The following PCDH15 variants were observed in gnomAD, a reference collection of about 807,000 sequenced individuals.
The protein encoded by PCDH15 is protocadherin related 15.
PCDH15 carries 129 observed loss-of-function variants against 178.5 expected under a neutral mutation model. The ratio of observed to expected loss-of-function variants is 0.72; its 90% CI spans 0.63 to 0.84. PCDH15 has a LOEUF of 0.84. PCDH15 is among the 40% of genes least tolerant of loss of function. PCDH15 has a pLI of 0.00. For synonymous variants in PCDH15, 800 were observed against 732.0 expected (o/e 1.09, Z -1.50); for missense variants, 2,230 against 2,099.9 (o/e 1.06, Z -1.21).
intron 5 of PCDH15, among the ~76,000 whole-genome samples, chr10:54,350,556 C>T (rs535665302): frequency 2.6e-5 from 4 of 151,762 alleles, no homozygotes; most frequent in East Asian, 1.9e-4. Context: ...GAGAAATAGC[C>T]GAGAAAAAAG....
chr10:55,542,239 G>A (rs1045717063), intron 2 of PCDH15, among the ~76,000 whole-genome samples: 2 of 151,044 alleles, frequency 1.3e-5, no homozygotes, highest in Non-Finnish European at 3.0e-5. Context: ...TACAGTATAT[G>A]CCTGTATGTG....
intron 2 of PCDH15, among the ~76,000 whole-genome samples, chr10:55,478,006 T>C (rs924027084): frequency 2.0e-5 from 3 of 151,358 alleles, no homozygotes; most frequent in African/African-American, 7.3e-5. Flanking sequence ...TCCATACAAA[T>C]GGAAACCAAA....
chr10:55,334,264 G>T (rs1712985660), intron 2 of PCDH15, among the ~76,000 whole-genome samples: 1 of 125,656 alleles, frequency 8.0e-6, no homozygotes, highest in Admixed American at 7.7e-5. Flanking sequence ...GTGTGTGTGT[G>T]TGTGTGTGTG....
At chr10:55,262,117 A>T (rs1359771455) in intron 1 of PCDH15, among the ~76,000 whole-genome samples, 1 of 147,248 alleles carries the variant, frequency 6.8e-6, no homozygotes, top group African/African-American at 2.5e-5. Flanking sequence ...GAGAAATAAA[A>T]AAGAAAAGAA....
chr10:54,585,029 A>G (rs113522871), intron 2 of PCDH15, among the ~76,000 whole-genome samples: 2,662 of 152,256 alleles, frequency 0.017, 77 homozygotes, highest in African/African-American at 0.06. Context: ...ACCAAATTGT[A>G]CATATAAAGT....
chr10:54,202,446 C>A (rs2050328828), intron 10 of PCDH15, among the ~76,000 whole-genome samples: 1 of 152,068 alleles, frequency 6.6e-6, no homozygotes, highest in South Asian at 2.1e-4. Flanking sequence ...TGTTAAAAAT[C>A]ATGGCAACCA....
intron 2 of PCDH15, among the ~76,000 whole-genome samples, chr10:55,501,552 T>A (rs1196695788): frequency 6.6e-6 from 1 of 151,762 alleles, no homozygotes; most frequent in African/African-American, 2.4e-5. Flanking sequence ...AGAAATGAGA[T>A]AATACCCCTT....
intron 32 of PCDH15, chr10:53,822,560 T>G (rs762509189): frequency 1.9e-6 from 3 of 1,613,840 alleles, no homozygotes; most frequent in Non-Finnish European, 1.7e-6. Context: ...TTTCAATAGG[T>G]AACATACAAA....
chr10:54,512,974 T>G (rs1218988648), intron 3 of PCDH15, among the ~76,000 whole-genome samples: 2 of 152,044 alleles, frequency 1.3e-5, no homozygotes, highest in African/African-American at 4.8e-5. Flanking sequence ...TCATACCACA[T>G]GACAAGGCTG....
intron 1 of PCDH15, among the ~76,000 whole-genome samples, chr10:55,289,414 G>C (rs891269073): frequency 1.3e-5 from 2 of 151,308 alleles, no homozygotes; most frequent in Admixed American, 1.3e-4. Context: ...AGAAAACAAG[G>C]AAAGAAACTA....
At chr10:54,594,469 A>AC (rs748247922) in intron 2 of PCDH15, among the ~76,000 whole-genome samples, 25 of 151,250 alleles carry the variant, frequency 1.7e-4, no homozygotes, top group South Asian at 1.3e-3. Flanking sequence ...CTAGCAGTGT[A>AC]CCCCCCCAGG....
Position 55,441,427 on chromosome 10 carries a change from AC to A in PCDH15, c.-156+186197del, listed in dbSNP as rs1358840591. ...CTGTTACAGACACTGGAAATTTAAAACAACAAATTTGAAAGACCAAAAGAAA... is the reference window on the plus strand; with the variant it reads ...CTGTTACAGACACTGGAAATTTAAAAAACAAATTTGAAAGACCAAAAGAAA... On this transcript the variant is annotated intron_variant, in intron 2 of 5. Coordinates refer to the PCDH15 transcript ENST00000613346. Among the ~76,000 whole-genome samples, 3 of 150,678 alleles carry A rather than the reference AC, an allele frequency of 2.0e-5. No individual in the cohort carries two copies. The East Asian group carries it at 6.0e-4, about 30-fold the overall frequency.
rs1261045075 is a variant in PCDH15, at chr10:54,523,950, GC to G, written c.157+3861del. Among the ~76,000 whole-genome samples, 11 of 152,276 alleles carry G rather than the reference GC, an allele frequency of 7.2e-5. No individual in the cohort carries two copies. The East Asian group carries it at 1.9e-3, about 27-fold the overall frequency. On this transcript the variant is annotated intron_variant, in intron 3 of 37. Coordinates refer to ENST00000644397, the MANE Select transcript of PCDH15 (RefSeq NM_001384140.1). The stretch of plus-strand genomic sequence containing the variant: ...TGGTAAAATCTAAGACCTCAAGAGA[GC>G]CCGTGTAAGGAAGAGAGGATGGAGA...
At chr10:55,163,333 G>T (rs1464210672) in intron 2 of PCDH15, among the ~76,000 whole-genome samples, 2 of 152,104 alleles carry the variant, frequency 1.3e-5, no homozygotes, top group Non-Finnish European at 2.9e-5. Context: ...TAACTATGCT[G>T]ATGCATGTAT....
intron 2 of PCDH15, among the ~76,000 whole-genome samples, chr10:54,601,154 A>G (rs1474046116): frequency 1.3e-5 from 2 of 152,050 alleles, no homozygotes; most frequent in Non-Finnish European, 2.9e-5. Context: ...TACTTGCTCA[A>G]TAAAGGTCAT....
intron 2 of PCDH15, among the ~76,000 whole-genome samples, chr10:54,607,233 AT>A (rs2092782415): frequency 6.6e-6 from 1 of 152,100 alleles, no homozygotes; most frequent in African/African-American, 2.4e-5. Context: ...ATAATTAAAT[AT>A]ATCTGAACTA....
At chr10:54,569,999 T>A (rs2089576332) in intron 2 of PCDH15, among the ~76,000 whole-genome samples, 1 of 151,910 alleles carries the variant, frequency 6.6e-6, no homozygotes, top group South Asian at 2.1e-4. Flanking sequence ...TTGGTCCAAA[T>A]TTTCATGAGG....
At chr10:54,504,560 G>T (rs1043565537) in intron 3 of PCDH15, among the ~76,000 whole-genome samples, 5 of 152,010 alleles carry the variant, frequency 3.3e-5, no homozygotes, top group Non-Finnish European at 7.4e-5. Flanking sequence ...AATTACTTTT[G>T]GTATTAGTGG....
chr10:54,555,532 C>T (rs946795445), intron 2 of PCDH15, among the ~76,000 whole-genome samples: 2 of 151,394 alleles, frequency 1.3e-5, no homozygotes, highest in African/African-American at 4.9e-5. Context: ...GAGTTTGAGA[C>T]CAGCCTGACC....
Sources: gnomAD v4.1 joint callset for allele counts (sites outside exome capture counted in the v4.1 genomes callset) on GRCh38, gnomAD v4.1.1 for gene constraint, MANE v1.5 for transcripts, NCBI Gene and HGNC (gene_info 2026-07-23, HGNC 2026-07-21) for gene names.